EDIL3: variants seen among roughly 807,000 people sequenced by gnomAD.
The protein encoded by EDIL3 is EGF like and discoidin domains 3, also known as EGF-like repeat and discoidin I-like domain-containing protein 3.
EDIL3 carries 37 observed loss-of-function variants against 67.4 expected under a neutral mutation model. The observed-to-expected ratio is 0.55, with a 90% CI of 0.42 to 0.72. EDIL3 has a LOEUF of 0.72. Among genes scored for constraint, EDIL3 ranks in the 30% least tolerant of loss-of-function variants. EDIL3 has a pLI of 0.00. For missense variants in EDIL3, 527 were observed against 586.3 expected (o/e 0.90, Z 1.04); for synonymous variants, 195 against 196.3 (o/e 0.99, Z 0.05).
At chr5:83,961,700 T>C (rs1426560698) in intron 10 of EDIL3, among the ~76,000 whole-genome samples, 1 of 151,194 alleles carries the variant, frequency 6.6e-6, no homozygotes, top group African/African-American at 2.4e-5. Flanking sequence ...AAACATACAC[T>C]GAATCAGAAT....
intron 3 of EDIL3, among the ~76,000 whole-genome samples, chr5:84,226,362 A>C (rs1387828263): frequency 6.6e-6 from 1 of 151,756 alleles, no homozygotes; most frequent in African/African-American, 2.4e-5. Flanking sequence ...TATAAATTAA[A>C]GATATATATC....
At chr5:84,213,507 T>C (rs552842762) in intron 3 of EDIL3, among the ~76,000 whole-genome samples, 1 of 152,346 alleles carries the variant, frequency 6.6e-6, no homozygotes, top group East Asian at 1.9e-4. Context: ...TCTTCGTTTT[T>C]ACTATTGAGA....
chr5:84,254,243 T>A (rs201239568), intron 1 of EDIL3, 31 bp from the exon 2 acceptor site: 1 of 1,282,302 alleles, frequency 7.8e-7, no homozygotes. Context: ...GAAATTGACA[T>A]TTTTTTTTTG....
intron 2 of EDIL3, among the ~76,000 whole-genome samples, chr5:84,249,349 T>G (rs1472514065): frequency 6.6e-6 from 1 of 152,138 alleles, no homozygotes; most frequent in Non-Finnish European, 1.5e-5. Context: ...CTCCAGGTAC[T>G]TGTATCACAA....
intron 9 of EDIL3, among the ~76,000 whole-genome samples, chr5:84,018,930 C>G (rs1745659175): frequency 6.6e-6 from 1 of 152,252 alleles, no homozygotes; most frequent in South Asian, 2.1e-4. Flanking sequence ...AATAGGAACA[C>G]TTTTACACTG....
chr5:84,352,776 C>A (rs868189421), intron 1 of EDIL3, among the ~76,000 whole-genome samples: 2 of 151,820 alleles, frequency 1.3e-5, no homozygotes, highest in African/African-American at 4.8e-5. Context: ...GCACTTATAG[C>A]CCTAAATCCA....
intron 6 of EDIL3, among the ~76,000 whole-genome samples, chr5:84,099,847 T>C (rs2112276459): frequency 6.6e-6 from 1 of 151,622 alleles, no homozygotes; most frequent in South Asian, 2.1e-4. Flanking sequence ...AAAGGGCTAA[T>C]ATCCAGAATC....
At chr5:84,181,503 G>A (rs1749012307) in intron 3 of EDIL3, among the ~76,000 whole-genome samples, 1 of 152,166 alleles carries the variant, frequency 6.6e-6, no homozygotes, top group African/African-American at 2.4e-5. Flanking sequence ...AGCAGTTTGA[G>A]ACTTTTTCTA....
intron 5 of EDIL3, among the ~76,000 whole-genome samples, chr5:84,131,165 C>T (rs1747959639): frequency 6.6e-6 from 1 of 151,526 alleles, no homozygotes; most frequent in African/African-American, 2.4e-5. Context: ...TTCTTTATAA[C>T]AGTTATTGAC....
chr5:84,305,880 A>AAAGTAAAT (rs1301938527), intron 1 of EDIL3, among the ~76,000 whole-genome samples: 45 of 141,474 alleles, frequency 3.2e-4, no homozygotes, highest in African/African-American at 1.2e-3. Context: ...CTTGGTCTTA[A>AAAGTAAAT]AAGTAAATAA....
chr5:84,140,895 T>C (rs1156819292), intron 4 of EDIL3, among the ~76,000 whole-genome samples: 1 of 152,138 alleles, frequency 6.6e-6, no homozygotes, highest in Non-Finnish European at 1.5e-5. Context: ...ATTTGTATAA[T>C]GCAGGAGTTC....
intron 9 of EDIL3, among the ~76,000 whole-genome samples, chr5:84,050,404 G>C (rs929869963): frequency 4.4e-4 from 67 of 152,308 alleles, no homozygotes; most frequent in African/African-American, 1.5e-3. Context: ...GAAGACGAGT[G>C]ATTTCTGCAT....
intron 1 of EDIL3, among the ~76,000 whole-genome samples, chr5:84,341,039 C>A (rs1747100985): frequency 6.6e-6 from 1 of 151,962 alleles, no homozygotes; most frequent in Non-Finnish European, 1.5e-5. Context: ...TTGCCCTCAT[C>A]CCTCCTCCAA....
In EDIL3 at chr5:84,141,920, TATACAC is replaced by T. The variant is rs1456019076; in HGVS notation, c.356-4572_356-4567del. ...GACAAACTACTCATATATATATATA[TATACAC>T]ATATATATATATATATATATACATA... On this transcript the variant is annotated intron_variant, in intron 4 of 10. Transcript: ENST00000296591. Among the ~76,000 whole-genome samples the T allele has an allele frequency of 1.9e-4, 19 of 99,366 alleles. 1 individual carries two copies. Among genetic ancestry groups the T allele is most frequent in the African/African-American group, 6.4e-4 (16 of 24,818 alleles). The allele number at this position is 99,366 out of a possible 152,430, so 65.2% of individuals were successfully genotyped here.
chr5:84,169,422 T>C (rs1019563262), intron 4 of EDIL3, among the ~76,000 whole-genome samples: 35 of 152,022 alleles, frequency 2.3e-4, no homozygotes, highest in African/African-American at 7.7e-4. Context: ...GATATGTGTA[T>C]GTAATTAGGC....
intron 1 of EDIL3, among the ~76,000 whole-genome samples, chr5:84,328,571 T>C (rs1746811543): frequency 6.6e-6 from 1 of 152,042 alleles, no homozygotes; most frequent in Non-Finnish European, 1.5e-5. Flanking sequence ...AGGGTGTCCT[T>C]ATATATATTA....
chr5:84,270,334 C>T (rs1362542814), intron 1 of EDIL3, among the ~76,000 whole-genome samples: 9 of 152,090 alleles, frequency 5.9e-5, no homozygotes, highest in South Asian at 2.1e-4. Flanking sequence ...GAATACTAAA[C>T]GTGGGATCTT....
At chr5:84,341,319 G>C (rs560845141) in intron 1 of EDIL3, among the ~76,000 whole-genome samples, 2 of 152,082 alleles carry the variant, frequency 1.3e-5, no homozygotes, top group Non-Finnish European at 2.9e-5. Context: ...TCTAGACTAG[G>C]AACAGAGCAG....
At chr5:84,250,350 T>C (rs1744998590) in intron 2 of EDIL3, among the ~76,000 whole-genome samples, 1 of 152,156 alleles carries the variant, frequency 6.6e-6, no homozygotes, top group African/African-American at 2.4e-5. Context: ...GAGAATGCAG[T>C]ATACAGAAAT....
Sources: gnomAD v4.1 joint callset for allele counts (sites outside exome capture counted in the v4.1 genomes callset) on GRCh38, gnomAD v4.1.1 for gene constraint, MANE v1.5 for transcripts, NCBI Gene and HGNC (gene_info 2026-07-23, HGNC 2026-07-21) for gene names.